The following PPFIA2 variants were observed in gnomAD, a reference collection of about 807,000 sequenced individuals.
PPFIA2 encodes the protein PPFI scaffold protein A2.
A neutral mutation model predicts 175.5 loss-of-function variants in PPFIA2; 46 were observed. The observed-to-expected ratio is 0.26, with a 90% CI of 0.21 to 0.34. The LOEUF (loss-of-function observed/expected upper bound fraction) is 0.34. Ranked by LOEUF, PPFIA2 falls within the 10% of genes least tolerant of loss-of-function variation. The pLI is 1.00. For synonymous variants in PPFIA2, 568 were observed against 511.4 expected, an observed-to-expected ratio of 1.11 and a Z score of -1.49; for missense variants, 1,179 against 1,506.1, an observed-to-expected ratio of 0.78 and a Z score of 3.60.
chr12:81,261,297 A>G (rs2035433358), intron 32 of PPFIA2: 1 of 152,130 alleles, frequency 6.6e-6, no homozygotes, highest in African/African-American at 2.4e-5. Context: ...GCTCACTGCA[A>G]CTTCTGCCTC....
intron 4 of PPFIA2, among the ~76,000 whole-genome samples, chr12:81,467,327 T>C (rs943785418): frequency 1.2e-4 from 18 of 152,184 alleles, no homozygotes; most frequent in African/African-American, 4.1e-4. Context: ...ATAATGTTAA[T>C]GTATATAAGG....
chr12:81,730,814 C>T (rs1260154922), intron 3 of PPFIA2, among the ~76,000 whole-genome samples: 1 of 151,254 alleles, frequency 6.6e-6, no homozygotes, highest in Admixed American at 6.6e-5. Context: ...TACCCTAAAC[C>T]TGAGTTAATC....
chr12:81,727,635 T>C (rs1344689261), intron 3 of PPFIA2, among the ~76,000 whole-genome samples: 1 of 151,342 alleles, frequency 6.6e-6, no homozygotes, highest in Non-Finnish European at 1.5e-5. Context: ...CCAGCTGAGA[T>C]GCACATTAAC....
At chr12:81,291,458 T>C (rs1189721258) in intron 24 of PPFIA2, among the ~76,000 whole-genome samples, 1 of 151,968 alleles carries the variant, frequency 6.6e-6, no homozygotes, top group Non-Finnish European at 1.5e-5. Context: ...AGAGTTTCCC[T>C]TTCTGATCTC....
chr12:81,428,396 A>G (rs1242842265), intron 7 of PPFIA2, among the ~76,000 whole-genome samples: 1 of 152,028 alleles, frequency 6.6e-6, no homozygotes, highest in Non-Finnish European at 1.5e-5. Flanking sequence ...AAATTAGTGG[A>G]AGTAGCAAAC....
At chr12:81,498,648 G>A (rs186134511) in intron 4 of PPFIA2, among the ~76,000 whole-genome samples, 23 of 151,638 alleles carry the variant, frequency 1.5e-4, no homozygotes, top group African/African-American at 3.6e-4. Context: ...TTATTGAGAC[G>A]GAGTCTCACT....
Position 81,642,764 on chromosome 12 carries a change from A to ATGTG in PPFIA2, c.303+34026_303+34027insCACA, listed in dbSNP as rs1567689313. ...ATGTATGTATTATATACATACATGT[A>ATGTG]TATGTATGTATGTATTATATACATA... is the stretch of plus-strand genomic sequence containing the variant. On this transcript the variant is annotated intron_variant, in intron 4 of 32. Coordinates refer to ENST00000549396, the MANE Select transcript of PPFIA2 (RefSeq NM_003625.5). Among the ~76,000 whole-genome samples, 2 of 11,736 alleles carry ATGTG rather than the reference A, an allele frequency of 1.7e-4. 1 individual carries two copies. Among genetic ancestry groups the ATGTG allele is most frequent in the Non-Finnish European group, 4.5e-4 (2 of 4,420 alleles). 7.7% of individuals were successfully genotyped at this position (11,736 alleles called of 152,430 possible). A position where few individuals can be genotyped will look rare whatever the true frequency, so the allele number is the denominator to read the frequency against.
In PPFIA2 at chr12:81,633,459, A is replaced by G. The variant is rs1242571384; in HGVS notation, c.303+43332T>C. ...TTCTTGAGAGGCAGACATGCAGACA[A>G]TGTGATACAACATATTCTGAAGTTC... On this transcript the variant is annotated intron_variant, in intron 4 of 32. Coordinates refer to ENST00000549396, the MANE Select transcript of PPFIA2 (RefSeq NM_003625.5). Among the ~76,000 whole-genome samples, 10 of 151,992 alleles carry G rather than the reference A, an allele frequency of 6.6e-5. 1 individual carries two copies. The highest frequency in any genetic ancestry group is 5.9e-4 in the Admixed American group (9 of 15,274).
chr12:81,319,891 A>T (rs190668825), intron 22 of PPFIA2, among the ~76,000 whole-genome samples: 86 of 151,996 alleles, frequency 5.7e-4, no homozygotes, highest in African/African-American at 2.0e-3. Flanking sequence ...TTTTTGCTTT[A>T]TCTACCCAGA....
intron 4 of PPFIA2, among the ~76,000 whole-genome samples, chr12:81,514,087 A>G (rs962877778): frequency 6.6e-6 from 1 of 151,958 alleles, no homozygotes; most frequent in Non-Finnish European, 1.5e-5. Context: ...CAGACAAAAA[A>G]TCTTTTATCT....
At chr12:81,418,775 T>G (rs933757900) in intron 7 of PPFIA2, among the ~76,000 whole-genome samples, 4 of 152,016 alleles carry the variant, frequency 2.6e-5, no homozygotes, top group Non-Finnish European at 5.9e-5. Flanking sequence ...GTTTTAGGTT[T>G]ATACGTTGTT....
chr12:81,681,286 T>A (rs1036326188), intron 3 of PPFIA2, among the ~76,000 whole-genome samples: 5 of 152,018 alleles, frequency 3.3e-5, no homozygotes, highest in Non-Finnish European at 7.4e-5. Context: ...TTCATTTTCC[T>A]CTCCAAGGTG....
chr12:81,330,497 C>G (rs1218039713), intron 21 of PPFIA2, among the ~76,000 whole-genome samples: 1 of 152,106 alleles, frequency 6.6e-6, no homozygotes, highest in Middle Eastern at 3.2e-3. Flanking sequence ...AAATAAACAT[C>G]TTTTCTTTTA....
chr12:81,259,249 A>G lies in PPFIA2; in HGVS notation c.*445T>C. On this transcript the variant is annotated 3_prime_UTR_variant, in exon 33 of 33. Transcript: ENST00000549396. ...ATACAAACAGTACTTGGAATTGTCAAATGTTTGCACTCGAGACTCCATGAA... is the reference window on the plus strand; with the variant it reads ...ATACAAACAGTACTTGGAATTGTCAGATGTTTGCACTCGAGACTCCATGAA... The G allele has an allele frequency of 3.6e-6, 1 of 274,502 alleles. No individual in the cohort carries two copies. The highest frequency in any genetic ancestry group is 7.0e-6 in the Non-Finnish European group (1 of 141,900). The allele number at this position is 274,502 out of a possible 1,614,324, so 17.0% of individuals were successfully genotyped here. A position where few individuals can be genotyped will look rare whatever the true frequency, so the allele number is the denominator to read the frequency against.
At chr12:81,600,506 A>C (rs997488006) in intron 4 of PPFIA2, among the ~76,000 whole-genome samples, 8 of 151,960 alleles carry the variant, frequency 5.3e-5, no homozygotes, top group Admixed American at 2.0e-4. Flanking sequence ...TATTATTGTG[A>C]GTAAACTTGA....
At chr12:81,383,616 A>G (rs2038270239) in intron 9 of PPFIA2, among the ~76,000 whole-genome samples, 2 of 152,146 alleles carry the variant, frequency 1.3e-5, no homozygotes, top group Admixed American at 6.6e-5. Context: ...ACAGAGATAC[A>G]TTCCCCTTCA....
intron 32 of PPFIA2, chr12:81,261,192 G>A (rs1201390965): frequency 6.6e-6 from 1 of 152,062 alleles, no homozygotes; most frequent in Non-Finnish European, 1.5e-5. Flanking sequence ...TGTAATAAAG[G>A]TTTGAATTTT....
At chr12:81,708,906 A>G (rs2077537680) in intron 3 of PPFIA2, among the ~76,000 whole-genome samples, 1 of 152,216 alleles carries the variant, frequency 6.6e-6, no homozygotes, top group South Asian at 2.1e-4. Flanking sequence ...AGGCAATGCT[A>G]AAGGTTCTAA....
chr12:81,689,196 G>T (rs1175353611), intron 3 of PPFIA2, among the ~76,000 whole-genome samples: 3 of 151,746 alleles, frequency 2.0e-5, no homozygotes, highest in Non-Finnish European at 2.9e-5. Flanking sequence ...GTCTAATTTG[G>T]AACCTAAGAA....
Sources: gnomAD v4.1 joint callset for allele counts (sites outside exome capture counted in the v4.1 genomes callset) on GRCh38, gnomAD v4.1.1 for gene constraint, MANE v1.5 for transcripts, NCBI Gene and HGNC (gene_info 2026-07-23, HGNC 2026-07-21) for gene names.